CPS1: variants seen among roughly 807,000 people sequenced by gnomAD.
CPS1 encodes the protein carbamoyl-phosphate synthase [ammonia], mitochondrial.
CPS1 carries 109 observed loss-of-function variants against 174.6 expected under a neutral mutation model. The observed-to-expected ratio is 0.62, with a 90% confidence interval of 0.53 to 0.73. The LOEUF is 0.73. Ranked by LOEUF, CPS1 falls within the 30% of genes least tolerant of loss-of-function variation. The pLI is 0.00. For synonymous variants in CPS1, 637 were observed against 632.0 expected (o/e 1.01, Z -0.12); for missense variants, 1,689 against 1,821.9 (o/e 0.93, Z 1.33).
chr2:210,674,867 A>C, intron 34 of CPS1, 35 bp from the exon 35 acceptor site: 1 of 1,553,876 alleles, frequency 6.4e-7, no homozygotes, highest in Non-Finnish European at 8.9e-7. Context: ...GAGCATGTAT[A>C]TCTAGAAAGT....
chr2:210,512,847 GAGATATATATATAT>G (rs1434420210), intron 1 of CPS1, among the ~76,000 whole-genome samples: 1 of 69,666 alleles, frequency 1.4e-5, no homozygotes, highest in Non-Finnish European at 2.6e-5. Flanking sequence ...TACATATATG[GAGATATATATATAT>G]AGATATATAT....
chr2:210,520,321 A>T (rs1460262299), intron 1 of CPS1, among the ~76,000 whole-genome samples: 1 of 152,042 alleles, frequency 6.6e-6, no homozygotes, highest in African/African-American at 2.4e-5. Context: ...TTTTACTTTA[A>T]GTTCTGAGAT....
intron 34 of CPS1, chr2:210,673,725 A>C (rs1326974449): frequency 1.3e-5 from 2 of 152,182 alleles, no homozygotes; most frequent in Non-Finnish European, 2.9e-5. Flanking sequence ...AACTGTGCTA[A>C]ATTATAGTAG....
At chr2:210,599,090 A>G (rs1183840129) in intron 13 of CPS1, among the ~76,000 whole-genome samples, 1 of 151,920 alleles carries the variant, frequency 6.6e-6, no homozygotes, top group Non-Finnish European at 1.5e-5. Context: ...TAGACCAATT[A>G]TATAGAAATG....
chr2:210,564,520 T>G (rs565207639), intron 1 of CPS1, among the ~76,000 whole-genome samples: 1 of 151,790 alleles, frequency 6.6e-6, no homozygotes, highest in Non-Finnish European at 1.5e-5. Context: ...GGACTACAGG[T>G]GCCTGCCACC....
At chr2:210,616,328 A>G in intron 20 of CPS1, 95 bp from the exon 21 acceptor site, 1 of 843,704 alleles carries the variant, frequency 1.2e-6, no homozygotes, top group Non-Finnish European at 2.0e-6. Context: ...GGCTCTCTAA[A>G]TAACACACAG....
intron 30 of CPS1, among the ~76,000 whole-genome samples, chr2:210,657,039 G>T (rs1700730632): frequency 6.6e-6 from 1 of 152,078 alleles, no homozygotes. Flanking sequence ...TGCTACTCCT[G>T]GGGATTCTAA....
chr2:210,484,885 C>T (rs751222785), intron 1 of CPS1, among the ~76,000 whole-genome samples: 3 of 152,130 alleles, frequency 2.0e-5, no homozygotes, highest in Non-Finnish European at 4.4e-5. Context: ...TTCTGTGTGG[C>T]ATGCAGCAGA....
chr2:210,582,514 A>C, intron 5 of CPS1, 103 bp from the exon 6 acceptor site: 1 of 826,958 alleles, frequency 1.2e-6, no homozygotes, highest in East Asian at 2.5e-5. Context: ...AGTTATAAAG[A>C]CATCTAAGTC....
rs1274481683 is a variant in CPS1 at position 210,678,873 on chromosome 2, A to T, written c.*888A>T. 1 of 152,178 alleles carries T rather than the reference A, an allele frequency of 6.6e-6. No homozygotes were observed. The highest frequency in any genetic ancestry group is 1.5e-5 in the Non-Finnish European group (1 of 68,044). 9.4% of individuals were successfully genotyped at this position (152,178 alleles called of 1,614,324 possible). ...ATTTTTGTCATTCACACTCTCCCCC[A>T]GTTTTGGAATAACTTGGAAGTAAGG... On this transcript the variant is annotated 3_prime_UTR_variant, in exon 38 of 38. Coordinates refer to ENST00000233072, the MANE Select transcript of CPS1 (RefSeq NM_001875.5).
intron 6 of CPS1, 129 bp downstream of exon 6, chr2:210,582,838 T>A (rs967311581): frequency 1.6e-5 from 12 of 743,008 alleles, no homozygotes; most frequent in Non-Finnish European, 2.4e-5. Context: ...GAAAGGGATC[T>A]CATAGCAGCT....
At chr2:210,676,010 C>T (rs977042880) in intron 36 of CPS1, among the ~76,000 whole-genome samples, 170 bp downstream of exon 36, 20 of 152,314 alleles carry the variant, frequency 1.3e-4, no homozygotes, top group Non-Finnish European at 7.4e-5. Context: ...GAATACATAA[C>T]GTCATGTGTA....
chr2:210,604,393 A>G (rs1698832352), intron 16 of CPS1, among the ~76,000 whole-genome samples: 1 of 151,896 alleles, frequency 6.6e-6, no homozygotes, highest in African/African-American at 2.4e-5. Context: ...GCATGTCCTA[A>G]GGTCAAAGAT....
intron 6 of CPS1, among the ~76,000 whole-genome samples, chr2:210,587,069 G>T (rs1193255255): frequency 1.0e-5 from 1 of 99,510 alleles, no homozygotes; most frequent in Non-Finnish European, 2.1e-5. Flanking sequence ...AAAGGATTAG[G>T]GTATTTTTTT....
chr2:210,569,026 CTAAA>C (rs1478344341), intron 1 of CPS1, among the ~76,000 whole-genome samples: 1 of 151,812 alleles, frequency 6.6e-6, no homozygotes, highest in African/African-American at 2.4e-5. Flanking sequence ...AAACATTCTG[CTAAA>C]TACTCAGTTG....
At position 210,627,411 on chromosome 2, in the gene CPS1, A is replaced by T. The variant is rs537810817; in HGVS notation, c.2688-10291A>T. On this transcript the variant is annotated intron_variant, in intron 21 of 37. Transcript: ENST00000233072. ...CTTCCATGTTTAGGGAGGTGTGAGT[A>T]AAACAACTCTTGAGCGTAGAATGGA... is the stretch of plus-strand genomic sequence containing the variant. 2.0e-5 allele frequency among the ~76,000 whole-genome samples: 3 copies of T among 152,326 alleles called. No homozygotes were observed. In the East Asian group the frequency reaches 5.8e-4, roughly 29 times the overall value.
intron 1 of CPS1, among the ~76,000 whole-genome samples, chr2:210,529,498 G>T (rs1696062204): frequency 6.6e-6 from 1 of 151,926 alleles, no homozygotes; most frequent in Non-Finnish European, 1.5e-5. Context: ...TTGGTTGTTG[G>T]ACTCTTTGCA....
At chr2:210,566,053 A>C (rs1697290620) in intron 1 of CPS1, among the ~76,000 whole-genome samples, 1 of 152,144 alleles carries the variant, frequency 6.6e-6, no homozygotes, top group South Asian at 2.1e-4. Context: ...TGTGGCCTGA[A>C]CCTTTCTATC....
intron 5 of CPS1, among the ~76,000 whole-genome samples, chr2:210,582,070 GC>G (rs1453543001): frequency 1.3e-5 from 2 of 152,118 alleles, no homozygotes; most frequent in East Asian, 1.9e-4. Flanking sequence ...TTCAATTCAG[GC>G]CCATAGGAAC....
Sources: gnomAD v4.1 joint callset for allele counts (sites outside exome capture counted in the v4.1 genomes callset) on GRCh38, gnomAD v4.1.1 for gene constraint, MANE v1.5 for transcripts, NCBI Gene and HGNC (gene_info 2026-07-23, HGNC 2026-07-21) for gene names.